Variants in PCDHGA10 observed in about 807,000 individuals in gnomAD.
PCDHGA10 encodes protocadherin gamma-A10.
In PCDHGA10, 42 loss-of-function variants were observed where a neutral mutation model predicts 59.5. The ratio of observed to expected loss-of-function variants is 0.71; its 90% CI spans 0.55 to 0.91. PCDHGA10 has a LOEUF of 0.91. Ranked by LOEUF, PCDHGA10 falls within the 40% of genes least tolerant of loss-of-function variation. The pLI is 0.00. For missense variants in PCDHGA10, 1,111 were observed against 1,198.2 expected (o/e 0.93, Z 1.07); for synonymous variants, 511 against 517.2 (o/e 0.99, Z 0.16).
chr5:141,423,689 G>A (rs2096767103), intron 1 of PCDHGA10: 2 of 1,400,130 alleles, frequency 1.4e-6, no homozygotes, highest in Non-Finnish European at 9.4e-7. Context: ...CCTCCTAATT[G>A]TTGGTGTCTT....
At chr5:141,423,429 A>G (rs1590473158) in intron 1 of PCDHGA10, 2 of 1,613,960 alleles carry the variant, frequency 1.2e-6, no homozygotes, top group African/African-American at 1.3e-5. Flanking sequence ...GCGGGTTGGC[A>G]GGTATGCCCA....
intron 1 of PCDHGA10, among the ~76,000 whole-genome samples, chr5:141,445,784 G>A (rs2098477494): frequency 6.6e-6 from 1 of 152,168 alleles, no homozygotes; most frequent in Non-Finnish European, 1.5e-5. Flanking sequence ...GGGCTAGGGA[G>A]GCTAGAAACA....
intron 2 of PCDHGA10, among the ~76,000 whole-genome samples, chr5:141,498,710 T>C (rs2099785302): frequency 1.3e-5 from 2 of 152,108 alleles, no homozygotes. Flanking sequence ...GGTGGGTGGA[T>C]CACCTGAGGT....
At chr5:141,494,708 C>T (rs1481947557) in intron 1 of PCDHGA10, 99 bp from the exon 2 acceptor site, 2 of 1,599,566 alleles carry the variant, frequency 1.3e-6, no homozygotes, top group Non-Finnish European at 1.7e-6. Flanking sequence ...CTTCTCTGTG[C>T]CCACTCCCCT....
intron 3 of PCDHGA10, among the ~76,000 whole-genome samples, chr5:141,509,089 G>C (rs1366018197): frequency 6.6e-6 from 1 of 152,158 alleles, no homozygotes; most frequent in Non-Finnish European, 1.5e-5. Context: ...ACATGAAATG[G>C]GGGCTGTAGA....
Position 141,413,248 on chromosome 5 carries a change from G to C in PCDHGA10, c.73G>C (p.Gly25Arg). The C allele has an allele frequency of 6.2e-7, 1 of 1,613,962 alleles. No homozygotes were observed. Among genetic ancestry groups the C allele is most frequent in the Non-Finnish European group, 8.5e-7 (1 of 1,179,908 alleles). ...SGLVLLCLFF[G>R]IPWEAGARQI... ...GCTGGTCCTGCTCTGCCTTTTCTTC[G>C]GGATTCCATGGGAGGCTGGAGCCCG... is the stretch of plus-strand genomic sequence containing the variant. Residue 25 changes from glycine to arginine, a missense_variant, in exon 1 of 4, where the codon GGG becomes CGG. By Grantham distance (125) the Gly-to-Arg change is moderately radical. Transcript: ENST00000398610.
In PCDHGA10 at chr5:141,477,963, A is replaced by C; in HGVS notation, c.2437-16844A>C. ...TACAGTCTCTTGGGATCCCCTAACC[A>C]GAGCCTTTTTGCCATAGGGCTGCAC... On this transcript the variant is annotated intron_variant, in intron 1 of 3. Coordinates refer to ENST00000398610, the MANE Select transcript of PCDHGA10 (RefSeq NM_018913.3). The surrounding 1 kb of genome is among the most constrained non-coding windows in gnomAD (Gnocchi z 4.9). The C allele has an allele frequency of 1.2e-6, 2 of 1,614,118 alleles. No individual in the cohort carries two copies. The highest frequency in any genetic ancestry group is 1.7e-6 in the Non-Finnish European group (2 of 1,180,024).
In PCDHGA10 at chr5:141,491,129, C is replaced by T; in HGVS notation, c.2437-3678C>T. On this transcript the variant is annotated intron_variant, in intron 1 of 3. Transcript: ENST00000398610. This position sits in a 1 kb window ranked among gnomAD's most constrained non-coding sequence, Gnocchi z 6.9. Reference sequence around the variant, plus strand: ...TCTACACACACTGGTGAGGTGCGCACAGCCCGGGCCTTACTGGAGGATGAC... The same window carrying T: ...TCTACACACACTGGTGAGGTGCGCATAGCCCGGGCCTTACTGGAGGATGAC... 1.2e-6 allele frequency: 2 copies of T among 1,614,172 alleles called. No individual in the cohort carries two copies. The highest frequency in any genetic ancestry group is 1.7e-6 in the Non-Finnish European group (2 of 1,180,012).
rs139832920 is a variant in PCDHGA10, at chr5:141,432,866, G to T, written c.2436+17255G>T. On this transcript the variant is annotated intron_variant, in intron 1 of 3. Coordinates refer to ENST00000398610, the MANE Select transcript of PCDHGA10 (RefSeq NM_018913.3). This position sits in a 1 kb window ranked among gnomAD's most constrained non-coding sequence, Gnocchi z 6.0. ...GGTAGCGGTGGCCGCGGTCTCCTGC[G>T]TCTTCCTGGCCTTCGTCATCTTGCT... The T allele has an allele frequency of 1.9e-6, 3 of 1,614,034 alleles. No individual in the cohort carries two copies. The African/African-American group carries it at 4.0e-5, about 22-fold the overall frequency.
intron 1 of PCDHGA10, among the ~76,000 whole-genome samples, chr5:141,469,484 A>AGAATCGCT (rs1279677032): frequency 6.6e-6 from 1 of 152,074 alleles, no homozygotes; most frequent in African/African-American, 2.4e-5. Flanking sequence ...CTGAGGCAGG[A>AGAATCGCT]GAATCGCTTG....
intron 1 of PCDHGA10, chr5:141,423,252 C>T (rs2096724826): frequency 1.2e-6 from 2 of 1,613,802 alleles, no homozygotes; most frequent in South Asian, 2.2e-5. Context: ...TCCTGGCGGA[C>T]CTCGGCAGCC....
At position 141,502,499 on chromosome 5, in the gene PCDHGA10, C is replaced by T. The variant is rs552402476; in HGVS notation, c.2496-2894C>T. ...CATCACACTGGGACTCATCTAACGT[C>T]GGCCTGTCCCACTATCAGTGATGCC... On this transcript the variant is annotated intron_variant, in intron 2 of 3. Coordinates refer to ENST00000398610, the MANE Select transcript of PCDHGA10 (RefSeq NM_018913.3). Among the ~76,000 whole-genome samples, 24 of 152,240 alleles carry T rather than the reference C, an allele frequency of 1.6e-4. No homozygotes were observed. In the East Asian group the frequency reaches 4.1e-3, roughly 26 times the overall value.
At chr5:141,464,929 G>A (rs1358204606) in intron 1 of PCDHGA10, among the ~76,000 whole-genome samples, 1 of 151,878 alleles carries the variant, frequency 6.6e-6, no homozygotes, top group Non-Finnish European at 1.5e-5. Flanking sequence ...TTGTAGAGAT[G>A]TGAGGTCTCA....
chr5:141,487,671 G>A lies in PCDHGA10; in HGVS notation c.2437-7136G>A. The A allele has an allele frequency of 6.2e-7, 1 of 1,612,012 alleles. No homozygotes were observed. The highest frequency in any genetic ancestry group is 8.5e-7 in the Non-Finnish European group (1 of 1,178,932). ...GAGGGTTATTCTGATCCAGGCATAT[G>A]GCTAGGCCATGTCCTAGAGAGTACT... On this transcript the variant is annotated intron_variant, in intron 1 of 3. Transcript: ENST00000398610. This position sits in a 1 kb window ranked among gnomAD's most constrained non-coding sequence, Gnocchi z 5.0.
chr5:141,420,394 C>A, intron 1 of PCDHGA10: 2 of 1,260,296 alleles, frequency 1.6e-6, no homozygotes, highest in Non-Finnish European at 2.1e-6. Flanking sequence ...AAATATAGGT[C>A]AAATTTATGG....
In PCDHGA10 at chr5:141,415,463, T is replaced by G; in HGVS notation, c.2288T>G (p.Leu763Arg). ...CAGACCTATTCCCACGAGGTCTCTC[T>G]CACCGCGGACTCGCGAAAGAGTCAC... Reference protein sequence around the residue: ...FLQTYSHEVSLTADSRKSHLI... With the variant: ...FLQTYSHEVSRTADSRKSHLI... The change falls in exon 1 of 4, where the codon CTC becomes CGC. Residue 763 changes from leucine to arginine, a missense_variant. By Grantham distance (102) the Leu-to-Arg change is moderately radical (BLOSUM62 -2). Coordinates refer to ENST00000398610, the MANE Select transcript of PCDHGA10 (RefSeq NM_018913.3). The G allele has an allele frequency of 6.2e-7, 1 of 1,614,228 alleles. No homozygotes were observed. Among genetic ancestry groups the G allele is most frequent in the South Asian group, 1.1e-5 (1 of 91,082 alleles).
intron 2 of PCDHGA10, among the ~76,000 whole-genome samples, chr5:141,496,557 C>T (rs190275684): frequency 2.0e-5 from 3 of 152,258 alleles, no homozygotes; most frequent in Admixed American, 1.3e-4. Flanking sequence ...TGGGCATGCA[C>T]AGTCCTGTCA....
chr5:141,486,163 G>A lies in PCDHGA10; in HGVS notation c.2437-8644G>A. 2.5e-6 allele frequency: 4 copies of A among 1,614,212 alleles called. No individual in the cohort carries two copies. Among genetic ancestry groups the A allele is most frequent in the Non-Finnish European group, 3.4e-6 (4 of 1,180,034 alleles). The stretch of plus-strand genomic sequence containing the variant: ...CTCGCGATGGGGGTTCTCCAGCCAT[G>A]GAGCAACATTGCAGCCTTCGAGTGG... On this transcript the variant is annotated intron_variant, in intron 1 of 3. Transcript: ENST00000398610. This position sits in a 1 kb window ranked among gnomAD's most constrained non-coding sequence, Gnocchi z 5.0.
chr5:141,431,868 A>G lies in PCDHGA10; in HGVS notation c.2436+16257A>G, dbSNP rs755283039. On this transcript the variant is annotated intron_variant, in intron 1 of 3. Coordinates refer to ENST00000398610, the MANE Select transcript of PCDHGA10 (RefSeq NM_018913.3). This position sits in a 1 kb window ranked among gnomAD's most constrained non-coding sequence, Gnocchi z 4.8. ...AGAGGGACATTAATTGCCCTTTTAAATGTAAATGACCAAGATTCTGAGGAA... is the reference window on the plus strand; with the variant it reads ...AGAGGGACATTAATTGCCCTTTTAAGTGTAAATGACCAAGATTCTGAGGAA... 4.3e-6 allele frequency: 7 copies of G among 1,614,102 alleles called. No individual in the cohort carries two copies. In the South Asian group the frequency reaches 6.6e-5, roughly 15 times the overall value.
Sources: gnomAD v4.1 joint callset for allele counts (sites outside exome capture counted in the v4.1 genomes callset) on GRCh38, gnomAD v4.1.1 for gene constraint, Gnocchi (gnomAD v3.1) non-coding constraint, MANE v1.5 for transcripts, NCBI Gene and HGNC (gene_info 2026-07-23, HGNC 2026-07-21) for gene names.